MLLT1: variants seen among roughly 807,000 people sequenced by gnomAD.
MLLT1 encodes the protein MLLT1 super elongation complex subunit, also known as protein ENL.
MLLT1 carries 11 observed loss-of-function variants against 55.1 expected under a neutral mutation model. The observed-to-expected ratio is 0.20, with a 90% CI of 0.13 to 0.33. MLLT1 has a LOEUF of 0.33. Ranked by LOEUF, MLLT1 falls within the 10% of genes least tolerant of loss-of-function variation. The probability of loss-of-function intolerance (pLI) is 1.00; values close to 1 mark genes in which losing one functional copy is unlikely to be tolerated. For synonymous variants in MLLT1, 323 were observed against 320.1 expected, an observed-to-expected ratio of 1.01 and a Z score of -0.10; for missense variants, 536 against 760.6, an observed-to-expected ratio of 0.70 and a Z score of 3.47.
At position 6,273,377 on chromosome 19, in the gene MLLT1, C is replaced by G. The variant is rs1600221751; in HGVS notation, c.13-2618G>C. Among the ~76,000 whole-genome samples, 2 of 152,146 alleles carry G rather than the reference C, an allele frequency of 1.3e-5. No homozygotes were observed. Among genetic ancestry groups the G allele is most frequent in the Non-Finnish European group, 1.5e-5 (1 of 68,032 alleles). On this transcript the variant is annotated intron_variant, in intron 1 of 11. Transcript: ENST00000252674. The surrounding 1 kb of genome is among the most constrained non-coding windows in gnomAD (Gnocchi z 4.3). Reference sequence around the variant, plus strand: ...CCGGGCAGCAGGGACATTCACGACCCCAGTGTGGGAAGAAAGTGGGGATGG... The same window carrying G: ...CCGGGCAGCAGGGACATTCACGACCGCAGTGTGGGAAGAAAGTGGGGATGG...
chr19:6,224,712 G>A (rs950096449), intron 5 of MLLT1, among the ~76,000 whole-genome samples: 4 of 152,152 alleles, frequency 2.6e-5, no homozygotes, highest in African/African-American at 9.7e-5. Flanking sequence ...TAGGCACTAC[G>A]ATTTTTTTGT....
At chr19:6,213,696 C>CA in intron 10 of MLLT1, 30 bp downstream of exon 10, 1 of 1,549,990 alleles carries the variant, frequency 6.5e-7, no homozygotes, top group Non-Finnish European at 8.9e-7. Context: ...CCTCCGTAGC[C>CA]TCCCCGCCTT....
intron 3 of MLLT1, among the ~76,000 whole-genome samples, chr19:6,260,625 C>T (rs376177637): frequency 7.2e-5 from 11 of 152,268 alleles, no homozygotes; most frequent in Admixed American, 7.2e-4. Flanking sequence ...AGAATGGATG[C>T]CACCAGTCCC....
chr19:6,265,149 T>C (rs1038472196), intron 2 of MLLT1, among the ~76,000 whole-genome samples: 25 of 148,380 alleles, frequency 1.7e-4, no homozygotes, highest in African/African-American at 6.1e-4. Flanking sequence ...ACAGGTCACA[T>C]ATAATGGGAT....
intron 3 of MLLT1, among the ~76,000 whole-genome samples, chr19:6,243,419 G>T (rs755781862): frequency 6.6e-6 from 1 of 152,200 alleles, no homozygotes; most frequent in Non-Finnish European, 1.5e-5. Context: ...ATTCCTTCTG[G>T]GAGAGATGGA....
At chr19:6,266,151 C>A (rs750474183) in intron 2 of MLLT1, among the ~76,000 whole-genome samples, 8 of 151,668 alleles carry the variant, frequency 5.3e-5, no homozygotes, top group Non-Finnish European at 1.2e-4. Context: ...TGGTGGCGGG[C>A]CAGTAGTCTC....
At chr19:6,214,464 C>T (rs975597413) in intron 8 of MLLT1, among the ~76,000 whole-genome samples, 9 of 152,196 alleles carry the variant, frequency 5.9e-5, no homozygotes, top group Non-Finnish European at 1.2e-4. Context: ...CTCCCCTGGC[C>T]GCCTGACCCT....
chr19:6,278,966 G>A lies in MLLT1; in HGVS notation c.12+807C>T, dbSNP rs375210257. ...CAAACAGGCCTGAGTCCCTGCAGCA[G>A]AAGACCGAAGGCCAGGGTCCTAGGG... On this transcript the variant is annotated intron_variant, in intron 1 of 11. Transcript: ENST00000252674. Among the ~76,000 whole-genome samples, 355 of 152,318 alleles carry A rather than the reference G, an allele frequency of 2.3e-3. 3 individuals are homozygous for A. The highest frequency in any genetic ancestry group is 0.023 in the South Asian group (112 of 4,834).
intron 9 of MLLT1, 26 bp downstream of exon 9, chr19:6,213,895 GCCCGGCCTCTGGTGCACC>G: frequency 6.7e-7 from 1 of 1,500,368 alleles, no homozygotes; most frequent in Non-Finnish European, 9.0e-7. Context: ...CCAGGGCTAA[GCCCGGCCTCTGGTGCACC>G]CCCTGCCTGC....
At chr19:6,250,963 C>T (rs971562690) in intron 3 of MLLT1, among the ~76,000 whole-genome samples, 11 of 152,082 alleles carry the variant, frequency 7.2e-5, no homozygotes, top group South Asian at 2.1e-4. Flanking sequence ...CTCACAAATA[C>T]GGCAGAAAGA....
Position 6,212,292 on chromosome 19 carries a change from G to T in MLLT1, c.*750C>A, listed in dbSNP as rs1232915374. 2 of 1,065,846 alleles carry T rather than the reference G, an allele frequency of 1.9e-6. No homozygotes were observed. The highest frequency in any genetic ancestry group is 3.3e-5 in the African/African-American group (2 of 61,030). The allele number at this position is 1,065,846 out of a possible 1,614,324, so 66.0% of individuals were successfully genotyped here. A position where few individuals can be genotyped will look rare whatever the true frequency, so the allele number is the denominator to read the frequency against. Reference sequence around the variant, plus strand: ...CCGGTAGGAGGCGGCGGCATCCTTGGAACGGCAAAGGGAGAATTCCTCCAT... The same window carrying T: ...CCGGTAGGAGGCGGCGGCATCCTTGTAACGGCAAAGGGAGAATTCCTCCAT... On this transcript the variant is annotated 3_prime_UTR_variant, in exon 12 of 12. Coordinates refer to ENST00000252674, the MANE Select transcript of MLLT1 (RefSeq NM_005934.4).
At chr19:6,248,122 A>T (rs1300367616) in intron 3 of MLLT1, among the ~76,000 whole-genome samples, 1 of 152,140 alleles carries the variant, frequency 6.6e-6, no homozygotes, top group Non-Finnish European at 1.5e-5. Context: ...TCCTGACCTC[A>T]GGTGATTCAC....
rs962590875 is a variant in MLLT1, at chr19:6,219,690, T to G, written c.1111-1649A>C. On this transcript the variant is annotated intron_variant, in intron 6 of 11. Coordinates refer to ENST00000252674, the MANE Select transcript of MLLT1 (RefSeq NM_005934.4). This position sits in a 1 kb window ranked among gnomAD's most constrained non-coding sequence, Gnocchi z 4.5. ...TGGAGGGAGGTGGACTGGAGAAGTA[T>G]CCAAGGTCCTGGCCCCATATCCCAT... Among the ~76,000 whole-genome samples the G allele has an allele frequency of 6.6e-6, 1 of 152,094 alleles. No individual in the cohort carries two copies. The highest frequency in any genetic ancestry group is 1.5e-5 in the Non-Finnish European group (1 of 68,000).
chr19:6,248,181 C>T (rs997809443), intron 3 of MLLT1, among the ~76,000 whole-genome samples: 1 of 152,206 alleles, frequency 6.6e-6, no homozygotes, highest in Non-Finnish European at 1.5e-5. Context: ...AGCCACTGTG[C>T]CCAGCCTGAG....
chr19:6,262,214 C>T lies in MLLT1; in HGVS notation c.276+14G>A, dbSNP rs116565827. The T allele has an allele frequency of 1.9e-3, 3,096 of 1,612,120 alleles. 69 individuals are homozygous for T. In the African/African-American group the frequency reaches 0.037, roughly 19 times the overall value. On this transcript the variant is annotated intron_variant, in intron 3 of 11. Transcript: ENST00000252674. This position sits in a 1 kb window ranked among gnomAD's most constrained non-coding sequence, Gnocchi z 4.4. ...ACAGAGAGGCATCCTGCTTGCTCCC[C>T]TCAGGGATCCTACCTTGTTTTTGAA...
Position 6,213,002 on chromosome 19 carries a change from C to T in MLLT1, c.*40G>A. The stretch of plus-strand genomic sequence containing the variant: ...GCAGGCGAGGCCTGGCTGCAGCCTC[C>T]CAGGACCCCGGCGGTGGGGGCCCGG... On this transcript the variant is annotated 3_prime_UTR_variant, in exon 12 of 12. Transcript: ENST00000252674. 5 of 1,607,756 alleles carry T rather than the reference C, an allele frequency of 3.1e-6. No homozygotes were observed. Among genetic ancestry groups the T allele is most frequent in the Non-Finnish European group, 4.2e-6 (5 of 1,176,668 alleles).
At chr19:6,224,174 A>G (rs1426347592) in intron 5 of MLLT1, among the ~76,000 whole-genome samples, 1 of 152,236 alleles carries the variant, frequency 6.6e-6, no homozygotes, top group Non-Finnish European at 1.5e-5. Context: ...TGGGCTGGCC[A>G]TCTTCTTGCA....
intron 2 of MLLT1, among the ~76,000 whole-genome samples, chr19:6,267,477 C>T (rs1040615231): frequency 4.0e-5 from 6 of 151,200 alleles, no homozygotes; most frequent in Non-Finnish European, 7.4e-5. Flanking sequence ...ATGCTAAAGA[C>T]ACAATGCAAA....
At position 6,231,948 on chromosome 19, in the gene MLLT1, G is replaced by A. The variant is rs540633115; in HGVS notation, c.277-1235C>T. On this transcript the variant is annotated intron_variant, in intron 3 of 11. Transcript: ENST00000252674. The surrounding 1 kb of genome is among the most constrained non-coding windows in gnomAD (Gnocchi z 5.1). Reference sequence around the variant, plus strand: ...GAAGGGAGGTTTTCATGGAAACAACGTGCATGGGCCGGGCGCGGTGGCTCA... The same window carrying A: ...GAAGGGAGGTTTTCATGGAAACAACATGCATGGGCCGGGCGCGGTGGCTCA... Among the ~76,000 whole-genome samples, 11 of 152,210 alleles carry A rather than the reference G, an allele frequency of 7.2e-5. No homozygotes were observed. The highest frequency in any genetic ancestry group is 2.1e-4 in the South Asian group (1 of 4,818).
Sources: gnomAD v4.1 joint callset for allele counts (sites outside exome capture counted in the v4.1 genomes callset) on GRCh38, gnomAD v4.1.1 for gene constraint, Gnocchi (gnomAD v3.1) non-coding constraint, MANE v1.5 for transcripts, NCBI Gene and HGNC (gene_info 2026-07-23, HGNC 2026-07-21) for gene names.